RBMS3: variants seen among roughly 807,000 people sequenced by gnomAD.
RBMS3 encodes the protein RNA-binding motif, single-stranded-interacting protein 3.
RBMS3 carries 27 observed loss-of-function variants against 66.8 expected under a neutral mutation model. The observed-to-expected ratio is 0.40, with a 90% CI of 0.30 to 0.56. The LOEUF is 0.56. Among genes scored for constraint, RBMS3 ranks in the 20% least tolerant of loss-of-function variants. The pLI is 0.40. For missense variants in RBMS3, 513 were observed against 549.5 expected, an observed-to-expected ratio of 0.93 and a Z score of 0.66; for synonymous variants, 188 against 183.0, an observed-to-expected ratio of 1.03 and a Z score of -0.22.
In RBMS3 at chr3:29,512,368, T is replaced by C. The variant is rs2044446709; in HGVS notation, c.307+23869T>C. Among the ~76,000 whole-genome samples, 3 of 152,172 alleles carry C rather than the reference T, an allele frequency of 2.0e-5. No individual in the cohort carries two copies. In the South Asian group the frequency reaches 6.2e-4, roughly 32 times the overall value. ...GATAAGTGCAATGAACAAATTTTGA[T>C]TCATCTGACATTAGTTAGAATTAAA... On this transcript the variant is annotated intron_variant, in intron 3 of 14. Transcript: ENST00000383767.
At chr3:29,648,285 T>TTTTTTGG (rs2050017441) in intron 4 of RBMS3, among the ~76,000 whole-genome samples, 1 of 145,100 alleles carries the variant, frequency 6.9e-6, no homozygotes, top group African/African-American at 2.6e-5. Context: ...TTTTTTTTTT[T>TTTTTTGG]GCGACAGGGT....
chr3:29,528,029 T>C (rs2045202629), intron 3 of RBMS3, among the ~76,000 whole-genome samples: 1 of 151,830 alleles, frequency 6.6e-6, no homozygotes. Context: ...TGGTGATTGA[T>C]TGTAAAGAAG....
Position 29,375,905 on chromosome 3 carries a change from T to C in RBMS3, c.76-58838T>C, listed in dbSNP as rs2038439166. Among the ~76,000 whole-genome samples, 5 of 152,178 alleles carry C rather than the reference T, an allele frequency of 3.3e-5. No individual in the cohort carries two copies. The South Asian group carries it at 1.0e-3, about 31-fold the overall frequency. ...TATAAAGATACATGCACGTGCGTGC[T>C]CATTGTAGCACTACTCACAATAGCA... is the stretch of plus-strand genomic sequence containing the variant. On this transcript the variant is annotated intron_variant, in intron 1 of 14. Transcript: ENST00000383767.
At chr3:29,731,837 C>T (rs546593020) in intron 4 of RBMS3, among the ~76,000 whole-genome samples, 2 of 152,178 alleles carry the variant, frequency 1.3e-5, no homozygotes, top group African/African-American at 4.8e-5. Flanking sequence ...CACTCTGTCA[C>T]TCTGTCTCCC....
intron 10 of RBMS3, among the ~76,000 whole-genome samples, chr3:29,918,835 TC>T (rs766246316): frequency 6.6e-6 from 1 of 152,078 alleles, no homozygotes; most frequent in Non-Finnish European, 1.5e-5. Context: ...AGACTTTTTT[TC>T]AAAACCCTAC....
chr3:29,735,850 C>T (rs913454874), intron 4 of RBMS3, among the ~76,000 whole-genome samples: 7 of 152,268 alleles, frequency 4.6e-5, no homozygotes, highest in East Asian at 1.9e-4. Context: ...CATAATCTCA[C>T]CACTAGCTTC....
intron 6 of RBMS3, among the ~76,000 whole-genome samples, chr3:29,814,280 C>T (rs2057812025): frequency 1.3e-5 from 2 of 152,136 alleles, no homozygotes; most frequent in African/African-American, 2.4e-5. Context: ...TGCTGGATTA[C>T]ATTTATTGAT....
intron 3 of RBMS3, among the ~76,000 whole-genome samples, chr3:29,489,271 C>T (rs2043437641): frequency 6.6e-6 from 1 of 152,098 alleles, no homozygotes; most frequent in Non-Finnish European, 1.5e-5. Flanking sequence ...ATTTCATATA[C>T]AAACATAATG....
intron 3 of RBMS3, among the ~76,000 whole-genome samples, chr3:29,553,735 A>G (rs2046253729): frequency 6.6e-6 from 1 of 151,918 alleles, no homozygotes; most frequent in South Asian, 2.1e-4. Context: ...TTGTTTTGTA[A>G]TAGATCTCCC....
intron 1 of RBMS3, among the ~76,000 whole-genome samples, chr3:29,298,007 T>C (rs967461464): frequency 2.0e-5 from 3 of 151,922 alleles, no homozygotes; most frequent in African/African-American, 4.8e-5. Flanking sequence ...TCAAACTTGC[T>C]CACATTTAGC....
chr3:29,843,593 T>C (rs982618619), intron 6 of RBMS3, among the ~76,000 whole-genome samples: 1 of 152,224 alleles, frequency 6.6e-6, no homozygotes, highest in Non-Finnish European at 1.5e-5. Context: ...CAGGGTTTTC[T>C]TCCTTCATTA....
chr3:29,461,042 G>A (rs1005967995), intron 2 of RBMS3, among the ~76,000 whole-genome samples: 2 of 152,146 alleles, frequency 1.3e-5, no homozygotes, highest in African/African-American at 4.8e-5. Flanking sequence ...TTCCTTAACA[G>A]AAAATGTCAA....
chr3:29,465,882 G>A (rs1342792537), intron 2 of RBMS3, among the ~76,000 whole-genome samples: 1 of 152,036 alleles, frequency 6.6e-6, no homozygotes, highest in Non-Finnish European at 1.5e-5. Context: ...TTGGGTCTGA[G>A]CATATTATGG....
At chr3:29,796,710 A>ATTTTTTTTTTTTTTTTTTTTT (rs1576829680) in intron 6 of RBMS3, among the ~76,000 whole-genome samples, 2 of 93,364 alleles carry the variant, frequency 2.1e-5, no homozygotes, top group African/African-American at 1.0e-4. Flanking sequence ...TTTGAAAGGA[A>ATTTTTTTTTTTTTTTTTTTTT]TCTTTTTTTT....
intron 1 of RBMS3, among the ~76,000 whole-genome samples, chr3:29,333,383 C>T (rs868751378): frequency 2.8e-4 from 43 of 152,118 alleles, no homozygotes; most frequent in African/African-American, 9.2e-4. Flanking sequence ...AGCATCAGCA[C>T]GTATAACATT....
chr3:29,322,685 A>G (rs2035078073), intron 1 of RBMS3, among the ~76,000 whole-genome samples: 1 of 151,986 alleles, frequency 6.6e-6, no homozygotes, highest in South Asian at 2.1e-4. Context: ...GATGGCATAT[A>G]AGAAAACCTC....
At chr3:29,499,252 G>C (rs2043873401) in intron 3 of RBMS3, among the ~76,000 whole-genome samples, 1 of 151,332 alleles carries the variant, frequency 6.6e-6, no homozygotes, top group Non-Finnish European at 1.5e-5. Flanking sequence ...ATCATCATTT[G>C]CTTTGGTGCT....
At chr3:29,592,666 C>A (rs2047785480) in intron 4 of RBMS3, among the ~76,000 whole-genome samples, 1 of 151,930 alleles carries the variant, frequency 6.6e-6, no homozygotes, top group Non-Finnish European at 1.5e-5. Flanking sequence ...GGGTATATAC[C>A]CAAAGGATTA....
At chr3:29,392,428 C>CT (rs2039344068) in intron 1 of RBMS3, among the ~76,000 whole-genome samples, 2 of 152,080 alleles carry the variant, frequency 1.3e-5, no homozygotes, top group South Asian at 2.1e-4. Context: ...AGTAGACTTT[C>CT]TTTTTTTCAT....
Sources: allele counts gnomAD v4.1 joint callset (sites outside exome capture counted in the v4.1 genomes callset), GRCh38; gene constraint gnomAD v4.1.1; transcripts MANE v1.5; gene names NCBI Gene and HGNC (gene_info 2026-07-23, HGNC 2026-07-21).